CDS2: variants seen among roughly 807,000 people sequenced by gnomAD.
CDS2 encodes the protein phosphatidate cytidylyltransferase 2.
In CDS2, 47 loss-of-function variants were observed where a neutral mutation model predicts 59.0. The observed-to-expected ratio is 0.80, with a 90% CI of 0.63 to 1.02. CDS2 has a LOEUF of 1.02. Ranked by LOEUF, CDS2 falls within the 50% of genes least tolerant of loss-of-function variation. The pLI is 0.00. For synonymous variants in CDS2, 207 were observed against 206.4 expected, an observed-to-expected ratio of 1.00 and a Z score of -0.02; for missense variants, 356 against 558.9, an observed-to-expected ratio of 0.64 and a Z score of 3.66.
At chr20:5,151,190 G>A (rs1402962886) in intron 1 of CDS2, among the ~76,000 whole-genome samples, 1 of 152,178 alleles carries the variant, frequency 6.6e-6, no homozygotes, top group Non-Finnish European at 1.5e-5. Context: ...CAGTGTTAAT[G>A]CTACATTGAC....
intron 1 of CDS2, among the ~76,000 whole-genome samples, chr20:5,151,675 C>T (rs955757372): frequency 3.3e-5 from 5 of 150,410 alleles, no homozygotes; most frequent in African/African-American, 1.2e-4. Context: ...CTGCCTCAAG[C>T]AGTCCTTCTG....
intron 1 of CDS2, among the ~76,000 whole-genome samples, chr20:5,169,839 G>C (rs2090941970): frequency 6.6e-6 from 1 of 152,206 alleles, no homozygotes; most frequent in African/African-American, 2.4e-5. Flanking sequence ...GGGGCTACCA[G>C]TGTGAAAGAG....
In CDS2 at chr20:5,196,976, G is replaced by A. The variant is rs2091162180; in HGVS notation, c.*6742G>A. 1.3e-5 allele frequency: 2 copies of A among 152,506 alleles called. No homozygotes were observed. The highest frequency in any genetic ancestry group is 2.1e-4 in the South Asian group (1 of 4,818). The allele number at this position is 152,506 out of a possible 1,614,324, so 9.4% of individuals were successfully genotyped here. A position where few individuals can be genotyped will look rare whatever the true frequency, so the allele number is the denominator to read the frequency against. ...AGGAGGAATACCAGGGCCACGGAGG[G>A]GCCAGGAGTCTCACAGTGGAGGGCA... On this transcript the variant is annotated 3_prime_UTR_variant, in exon 13 of 13. Transcript: ENST00000460006.
intron 1 of CDS2, among the ~76,000 whole-genome samples, chr20:5,157,929 C>A (rs566894537): frequency 6.6e-6 from 1 of 152,312 alleles, no homozygotes; most frequent in South Asian, 2.1e-4. Flanking sequence ...TCTGAAGGAG[C>A]TTGTTACTGA....
chr20:5,186,865 C>T (rs1046830133), intron 10 of CDS2, 26 bp downstream of exon 10: 9 of 1,611,878 alleles, frequency 5.6e-6, no homozygotes, highest in Non-Finnish European at 7.6e-6. Context: ...AGGGGGTGAG[C>T]GGCCTCCATG....
intron 1 of CDS2, among the ~76,000 whole-genome samples, chr20:5,136,977 C>T (rs933059685): frequency 1.3e-5 from 2 of 152,082 alleles, no homozygotes; most frequent in East Asian, 1.9e-4. Flanking sequence ...GTCTCTTGTT[C>T]CCCTCTTTGT....
At chr20:5,168,087 T>C (rs530999744) in intron 1 of CDS2, among the ~76,000 whole-genome samples, 1 of 152,108 alleles carries the variant, frequency 6.6e-6, no homozygotes, top group Non-Finnish European at 1.5e-5. Flanking sequence ...TTTTCTTTAG[T>C]GTAGTCCAGA....
At chr20:5,172,651 C>G (rs190254439) in intron 1 of CDS2, among the ~76,000 whole-genome samples, 69 of 152,308 alleles carry the variant, frequency 4.5e-4, no homozygotes, top group Admixed American at 1.6e-3. Context: ...CCCAGTACTG[C>G]TCTGAAGCTT....
chr20:5,135,062 C>G (rs1426233141), intron 1 of CDS2, among the ~76,000 whole-genome samples: 1 of 151,942 alleles, frequency 6.6e-6, no homozygotes, highest in Non-Finnish European at 1.5e-5. Context: ...TAAAATGAAT[C>G]TTGTAACTAA....
chr20:5,158,773 G>A (rs967871094), intron 1 of CDS2, among the ~76,000 whole-genome samples: 4 of 152,194 alleles, frequency 2.6e-5, no homozygotes, highest in Non-Finnish European at 4.4e-5. Flanking sequence ...AATACTGGGT[G>A]ATCGTTGTAT....
At position 5,182,459 on chromosome 20, in the gene CDS2, A is replaced by G; in HGVS notation, c.588+14A>G. On this transcript the variant is annotated intron_variant, in intron 6 of 12. Transcript: ENST00000460006. The stretch of plus-strand genomic sequence containing the variant: ...CAGTTCTACATGGTAAAGGAAATGC[A>G]TGCGTGTGTGTCAGAATTCTTGATT... 2 of 1,607,338 alleles carry G rather than the reference A, an allele frequency of 1.2e-6. No individual in the cohort carries two copies. The highest frequency in any genetic ancestry group is 1.7e-6 in the Non-Finnish European group (2 of 1,175,986).
Position 5,191,257 on chromosome 20 carries a change from C to G in CDS2, c.*1023C>G, listed in dbSNP as rs1278194115. 2 of 152,438 alleles carry G rather than the reference C, an allele frequency of 1.3e-5. No homozygotes were observed. Among genetic ancestry groups the G allele is most frequent in the Non-Finnish European group, 2.9e-5 (2 of 68,028 alleles). The allele number at this position is 152,438 out of a possible 1,614,324, so 9.4% of individuals were successfully genotyped here. ...TTGCACCATGACTTCTTCACTAAAACCACAAAGTCCTGCTTAAAACTATGG... is the reference window on the plus strand; with the variant it reads ...TTGCACCATGACTTCTTCACTAAAAGCACAAAGTCCTGCTTAAAACTATGG... On this transcript the variant is annotated 3_prime_UTR_variant, in exon 13 of 13. Transcript: ENST00000460006.
chr20:5,140,559 A>G (rs965454113), intron 1 of CDS2, among the ~76,000 whole-genome samples: 1 of 152,264 alleles, frequency 6.6e-6, no homozygotes, highest in African/African-American at 2.4e-5. Flanking sequence ...CCTGAACAAT[A>G]GGGCTGAGAA....
intron 2 of CDS2, among the ~76,000 whole-genome samples, chr20:5,174,736 A>T (rs1050246734): frequency 2.0e-5 from 3 of 151,196 alleles, no homozygotes; most frequent in Non-Finnish European, 4.4e-5. Context: ...AAAAAAAAAA[A>T]TTATGCATAT....
At chr20:5,133,853 G>A (rs1200090179) in intron 1 of CDS2, among the ~76,000 whole-genome samples, 2 of 151,946 alleles carry the variant, frequency 1.3e-5, no homozygotes, top group Non-Finnish European at 2.9e-5. Flanking sequence ...CCCGGTTGTT[G>A]TTTTTTATTT....
intron 1 of CDS2, among the ~76,000 whole-genome samples, chr20:5,170,385 G>T (rs948535975): frequency 3.9e-5 from 6 of 152,196 alleles, no homozygotes; most frequent in African/African-American, 1.4e-4. Flanking sequence ...CTTTTCCGGG[G>T]TATGAGCAAC....
chr20:5,163,788 TTTC>T lies in CDS2; in HGVS notation c.58-9732_58-9730del, dbSNP rs199882480. On this transcript the variant is annotated intron_variant, in intron 1 of 12. Coordinates refer to ENST00000460006, the MANE Select transcript of CDS2 (RefSeq NM_003818.4). The stretch of plus-strand genomic sequence containing the variant: ...CATTGTGGCTTTCATAATTTCTTTC[TTTC>T]TTTTTTTTTTTTTTTTTGAAGCAGA... Among the ~76,000 whole-genome samples, 564 of 111,532 alleles carry T rather than the reference TTTC, an allele frequency of 5.1e-3. 8 individuals are homozygous for T. Among genetic ancestry groups the T allele is most frequent in the East Asian group, 0.02 (87 of 4,314 alleles). The allele number at this position is 111,532 out of a possible 152,430, so 73.2% of individuals were successfully genotyped here.
At chr20:5,140,097 C>T (rs6038073) in intron 1 of CDS2, among the ~76,000 whole-genome samples, 68 of 152,280 alleles carry the variant, frequency 4.5e-4, no homozygotes, top group African/African-American at 1.6e-3. Flanking sequence ...CCGCTGCACC[C>T]GGCCAGCATC....
At chr20:5,141,332 G>A (rs1739547223) in intron 1 of CDS2, among the ~76,000 whole-genome samples, 1 of 152,210 alleles carries the variant, frequency 6.6e-6, no homozygotes, top group Non-Finnish European at 1.5e-5. Flanking sequence ...ATTTCTGCAT[G>A]GTTGTCCATG....
Sources: gnomAD v4.1 joint callset for allele counts (sites outside exome capture counted in the v4.1 genomes callset) on GRCh38, gnomAD v4.1.1 for gene constraint, MANE v1.5 for transcripts, NCBI Gene and HGNC (gene_info 2026-07-23, HGNC 2026-07-21) for gene names.